The following NEK11 variants were observed in gnomAD, a reference collection of about 807,000 sequenced individuals.
NEK11 encodes serine/threonine-protein kinase Nek11.
NEK11 carries 72 observed loss-of-function variants against 80.7 expected under a neutral mutation model. That is an observed-to-expected ratio of 0.89 (90% CI 0.74 to 1.08). The LOEUF is 1.08. Ranked by LOEUF, NEK11 falls within the 50% of genes least tolerant of loss-of-function variation. The pLI is 0.00. For missense variants in NEK11, 764 were observed against 763.6 expected (o/e 1.00, Z -0.01); for synonymous variants, 251 against 260.7 (o/e 0.96, Z 0.36).
At chr3:131,253,183 C>T (rs1397566140) in intron 16 of NEK11, among the ~76,000 whole-genome samples, 1 of 152,104 alleles carries the variant, frequency 6.6e-6, no homozygotes, top group African/African-American at 2.4e-5. Flanking sequence ...GAGGTGGGCT[C>T]CTGGACAGAT....
intron 5 of NEK11, among the ~76,000 whole-genome samples, chr3:131,121,790 A>T (rs1314848217): frequency 6.6e-6 from 1 of 152,196 alleles, no homozygotes; most frequent in Non-Finnish European, 1.5e-5. Context: ...CAAGCCATGC[A>T]TGGGATATAA....
rs527956824 is a variant in NEK11 at position 131,048,095 on chromosome 3, GT to G, written c.170+18218del. ...GTTACAGGCCTCATGCAGCTCCCAC[GT>G]ATCCCAAAAGGCCAGTGTTACTCCT... On this transcript the variant is annotated intron_variant, in intron 3 of 17. Coordinates refer to ENST00000383366, the MANE Select transcript of NEK11 (RefSeq NM_024800.5). Among the ~76,000 whole-genome samples the G allele has an allele frequency of 6.6e-5, 10 of 152,202 alleles. No individual in the cohort carries two copies. In the South Asian group the frequency reaches 2.1e-3, roughly 32 times the overall value.
chr3:131,245,247 T>G (rs77239758), intron 16 of NEK11, among the ~76,000 whole-genome samples: 6,412 of 152,082 alleles, frequency 0.042, 432 homozygotes, highest in African/African-American at 0.14. Context: ...GTTCTTTCTA[T>G]GTTGCTGCAA....
chr3:131,072,693 A>G lies in NEK11; in HGVS notation c.171-7730A>G, dbSNP rs558409969. On this transcript the variant is annotated intron_variant, in intron 3 of 17. Transcript: ENST00000383366. Reference sequence around the variant, plus strand: ...TGTAAAGAGAACTTTTAGAGAAGTAAATAGAAAGAAGTTCCAGAAAGCTGT... The same window carrying G: ...TGTAAAGAGAACTTTTAGAGAAGTAGATAGAAAGAAGTTCCAGAAAGCTGT... Among the ~76,000 whole-genome samples the G allele has an allele frequency of 2.6e-4, 39 of 152,278 alleles. No individual in the cohort carries two copies. The East Asian group carries it at 7.3e-3, about 29-fold the overall frequency.
chr3:131,078,640 G>C (rs1410451036), intron 3 of NEK11, among the ~76,000 whole-genome samples: 1 of 152,014 alleles, frequency 6.6e-6, no homozygotes, highest in Non-Finnish European at 1.5e-5. Context: ...AGAGGGAGAG[G>C]CTTGTTTGAA....
At chr3:131,056,007 C>T (rs993760107) in intron 3 of NEK11, among the ~76,000 whole-genome samples, 24 of 152,266 alleles carry the variant, frequency 1.6e-4, no homozygotes, top group African/African-American at 5.5e-4. Context: ...ACCAAGTATA[C>T]TGTGTGTTAA....
In NEK11 at chr3:131,064,421, C is replaced by T. The variant is rs552079250; in HGVS notation, c.171-16002C>T. On this transcript the variant is annotated intron_variant, in intron 3 of 17. Transcript: ENST00000383366. ...CATGGCCTTTCTGTGTTTGTGCAAG[C>T]GTGTCCCTGGTCTCTCCCTCTCCTT... is the stretch of plus-strand genomic sequence containing the variant. Among the ~76,000 whole-genome samples, 4 of 152,168 alleles carry T rather than the reference C, an allele frequency of 2.6e-5. No homozygotes were observed. The South Asian group carries it at 6.2e-4, about 24-fold the overall frequency.
chr3:131,079,623 A>G (rs954996866), intron 3 of NEK11, among the ~76,000 whole-genome samples: 3 of 152,082 alleles, frequency 2.0e-5, no homozygotes, highest in Non-Finnish European at 2.9e-5. Flanking sequence ...ATGGGAAGAG[A>G]TAATGTTTTG....
At chr3:131,296,736 G>T (rs1460203271) in intron 17 of NEK11, among the ~76,000 whole-genome samples, 1 of 152,004 alleles carries the variant, frequency 6.6e-6, no homozygotes, top group African/African-American at 2.4e-5. Flanking sequence ...ATGTGTACAT[G>T]TGCCATGCTG....
chr3:131,074,972 A>T (rs1346636123), intron 3 of NEK11, among the ~76,000 whole-genome samples: 1 of 152,122 alleles, frequency 6.6e-6, no homozygotes. Context: ...GGCACATAGA[A>T]GATAGTTAAT....
intron 16 of NEK11, among the ~76,000 whole-genome samples, chr3:131,272,463 C>CTTTTT (rs869304359): frequency 0.063 from 2,751 of 43,846 alleles, 550 homozygotes; most frequent in Non-Finnish European, 0.093. Context: ...GTTTTAGCTT[C>CTTTTT]TTTTTTTTTT....
intron 3 of NEK11, chr3:131,072,088 A>C (rs1351551005): frequency 6.6e-6 from 1 of 152,206 alleles, no homozygotes; most frequent in Non-Finnish European, 1.5e-5. Context: ...TAGTATCAGG[A>C]AATGGCTGAT....
intron 3 of NEK11, among the ~76,000 whole-genome samples, chr3:131,055,244 A>G (rs1474451763): frequency 4.6e-5 from 7 of 152,244 alleles, no homozygotes; most frequent in Non-Finnish European, 7.3e-5. Context: ...AGTGTTTACT[A>G]TAAGTAATGT....
chr3:131,295,974 G>A (rs1159799959), intron 17 of NEK11, among the ~76,000 whole-genome samples: 1 of 152,062 alleles, frequency 6.6e-6, no homozygotes. Flanking sequence ...CTGAGTAGCT[G>A]GGACCAAAGG....
At chr3:131,123,101 G>C in intron 5 of NEK11, among the ~76,000 whole-genome samples, 1 of 152,152 alleles carries the variant, frequency 6.6e-6, no homozygotes, top group East Asian at 1.9e-4. Context: ...ATGGATATTA[G>C]CCAAACATAG....
At chr3:131,334,134 G>C (rs1255975461) in intron 17 of NEK11, among the ~76,000 whole-genome samples, 2 of 152,170 alleles carry the variant, frequency 1.3e-5, no homozygotes, top group East Asian at 1.9e-4. Flanking sequence ...GACATCTACA[G>C]AACTCTCCAT....
chr3:131,232,233 TAACAGGGTTCTCCAC>T (rs1472314371), intron 15 of NEK11, among the ~76,000 whole-genome samples: 1 of 152,204 alleles, frequency 6.6e-6, no homozygotes, highest in Non-Finnish European at 1.5e-5. Flanking sequence ...GCTGCCGTCA[TAACAGGGTTCTCCAC>T]AACACTTGTG....
intron 14 of NEK11, chr3:131,174,640 C>T: frequency 9.9e-7 from 1 of 1,009,188 alleles, no homozygotes. Flanking sequence ...TGAGAAAGTA[C>T]AACTGGAATG....
chr3:131,255,664 C>T (rs376649406), intron 16 of NEK11, among the ~76,000 whole-genome samples: 33 of 152,132 alleles, frequency 2.2e-4, no homozygotes, highest in African/African-American at 5.8e-4. Flanking sequence ...CTTCCCCTCC[C>T]GACTGCTTGG....
Sources: gnomAD v4.1 joint callset for allele counts (sites outside exome capture counted in the v4.1 genomes callset) on GRCh38, gnomAD v4.1.1 for gene constraint, MANE v1.5 for transcripts, NCBI Gene and HGNC (gene_info 2026-07-23, HGNC 2026-07-21) for gene names.